MARCHF10: variants seen among roughly 807,000 people sequenced by gnomAD.
The protein encoded by MARCHF10 is probable E3 ubiquitin-protein ligase MARCHF10.
MARCHF10 carries 64 observed loss-of-function variants against 76.2 expected under a neutral mutation model. The observed-to-expected ratio is 0.84, with a 90% CI of 0.69 to 1.03. The LOEUF (loss-of-function observed/expected upper bound fraction) is 1.03, where lower values mean the gene tolerates loss of function less well. Among genes scored for constraint, MARCHF10 ranks in the 50% least tolerant of loss-of-function variants. The pLI, the probability that MARCHF10 is intolerant of heterozygous loss-of-function variation, is 0.00. For synonymous variants in MARCHF10, 340 were observed against 357.5 expected, an observed-to-expected ratio of 0.95 and a Z score of 0.55; for missense variants, 875 against 958.0, an observed-to-expected ratio of 0.91 and a Z score of 1.14.
chr17:62,800,585 T>G (rs1489585070), intron 2 of MARCHF10, among the ~76,000 whole-genome samples: 1 of 152,152 alleles, frequency 6.6e-6, no homozygotes, highest in Non-Finnish European at 1.5e-5. Flanking sequence ...ACCTGGGAGC[T>G]TTAGTTATAT....
chr17:62,772,679 G>C (rs796177594), intron 3 of MARCHF10, among the ~76,000 whole-genome samples: 4 of 152,130 alleles, frequency 2.6e-5, no homozygotes, highest in African/African-American at 9.7e-5. Flanking sequence ...GAGTTTCTTG[G>C]GGGCAGGGCA....
At chr17:62,749,214 A>T (rs200365121) in intron 4 of MARCHF10, among the ~76,000 whole-genome samples, 2,715 of 152,318 alleles carry the variant, frequency 0.018, 34 homozygotes, top group East Asian at 0.057. Context: ...AAAGGGAAAA[A>T]AAAGGTAGAA....
rs1199196581 is a variant in MARCHF10 at position 62,738,236 on chromosome 17, C to A, written c.536-904G>T. On this transcript the variant is annotated intron_variant, in intron 5 of 10. Transcript: ENST00000311269. The surrounding 1 kb of genome is among the most constrained non-coding windows in gnomAD (Gnocchi z 4.0). ...TAAGTGATGGAATGAACATTTGAACCCACGCCTGCTCGATACTAGGGTTTG... is the reference window on the plus strand; with the variant it reads ...TAAGTGATGGAATGAACATTTGAACACACGCCTGCTCGATACTAGGGTTTG... Among the ~76,000 whole-genome samples the A allele has an allele frequency of 6.6e-6, 1 of 152,144 alleles. No individual in the cohort carries two copies. Among genetic ancestry groups the A allele is most frequent in the Non-Finnish European group, 1.5e-5 (1 of 68,028 alleles).
At position 62,736,738 on chromosome 17, in the gene MARCHF10, G is replaced by T; in HGVS notation, c.1130C>A (p.Pro377His). 6.2e-7 allele frequency: 1 copy of T among 1,613,830 alleles called. No individual in the cohort carries two copies. Among genetic ancestry groups the T allele is most frequent in the Middle Eastern group, 1.6e-4 (1 of 6,062 alleles). ...AGCAGATTCCCTATCAGGCAGCCCG[G>T]GGTCTTGGGACAACCTTTGCCCAGC... Reference protein sequence around the residue: ...PSAGQRLSQDPGLPDRESATE... With the variant: ...PSAGQRLSQDHGLPDRESATE... The change falls in exon 6 of 11, where the codon CCC (proline) becomes CAC (histidine). Residue 377 changes from proline to histidine, a missense_variant. Coordinates refer to ENST00000311269, the MANE Select transcript of MARCHF10 (RefSeq NM_152598.4).
chr17:62,718,366 G>C (rs2090324010), intron 8 of MARCHF10, among the ~76,000 whole-genome samples: 1 of 152,162 alleles, frequency 6.6e-6, no homozygotes, highest in South Asian at 2.1e-4. Flanking sequence ...TGCTGCTGTT[G>C]GGTCAGTTCT....
At chr17:62,779,056 C>T (rs2092606725) in intron 3 of MARCHF10, among the ~76,000 whole-genome samples, 1 of 152,200 alleles carries the variant, frequency 6.6e-6, no homozygotes, top group Non-Finnish European at 1.5e-5. Flanking sequence ...CATTCTCTCT[C>T]CATGACGTGC....
At chr17:62,764,793 C>T (rs1271216137) in intron 3 of MARCHF10, among the ~76,000 whole-genome samples, 9 of 152,232 alleles carry the variant, frequency 5.9e-5, no homozygotes, top group Non-Finnish European at 1.3e-4. Flanking sequence ...GCAAAACTTT[C>T]TCTTGTCTAG....
chr17:62,749,325 T>C (rs1210409523), intron 4 of MARCHF10, among the ~76,000 whole-genome samples: 2 of 152,228 alleles, frequency 1.3e-5, no homozygotes, highest in African/African-American at 2.4e-5. Context: ...TAGTTCTTTA[T>C]AGACAAAGTC....
chr17:62,704,682 T>C (rs993309735), intron 10 of MARCHF10, among the ~76,000 whole-genome samples: 7 of 152,218 alleles, frequency 4.6e-5, no homozygotes, highest in African/African-American at 1.7e-4. Context: ...CCCCATCGCC[T>C]GAAGCGGAAT....
intron 4 of MARCHF10, among the ~76,000 whole-genome samples, chr17:62,755,897 T>C (rs1262997276): frequency 6.6e-6 from 1 of 152,160 alleles, no homozygotes; most frequent in Non-Finnish European, 1.5e-5. Flanking sequence ...GAGGATCACT[T>C]GAGCCCAGGA....
chr17:62,741,577 C>T (rs533239786), intron 5 of MARCHF10, among the ~76,000 whole-genome samples: 43 of 152,194 alleles, frequency 2.8e-4, no homozygotes, highest in Non-Finnish European at 4.7e-4. Flanking sequence ...AATGGGTAGG[C>T]CAAATTTACG....
intron 10 of MARCHF10, among the ~76,000 whole-genome samples, chr17:62,702,060 G>A (rs1401187471): frequency 1.3e-5 from 2 of 152,192 alleles, no homozygotes; most frequent in Admixed American, 6.5e-5. Flanking sequence ...AGCTGCAGGG[G>A]CCATTGCTTC....
In MARCHF10 at chr17:62,788,521, A is replaced by G; in HGVS notation, c.169T>C (p.Phe57Leu). Residue 57 changes from phenylalanine (F) to leucine (L), a missense_variant, in exon 3 of 11, where the codon TTT becomes CTT. Coordinates refer to ENST00000311269, the MANE Select transcript of MARCHF10 (RefSeq NM_152598.4). ...RDQFWGQETS[F>L]ERSRFSSRSS... ...CTGCTAGAAAACCGGGATCTCTCAA[A>G]ACTTGTCTCTTGCCCCCAAAACTGA... 6 of 1,614,042 alleles carry G rather than the reference A, an allele frequency of 3.7e-6. No homozygotes were observed. Among genetic ancestry groups the G allele is most frequent in the Non-Finnish European group, 5.1e-6 (6 of 1,180,002 alleles).
At chr17:62,782,717 A>C (rs1231976856) in intron 3 of MARCHF10, among the ~76,000 whole-genome samples, 1 of 152,026 alleles carries the variant, frequency 6.6e-6, no homozygotes, top group South Asian at 2.1e-4. Flanking sequence ...CCAATCCATG[A>C]TTTTGGGGGT....
At chr17:62,761,803 C>T (rs867806409) in intron 3 of MARCHF10, among the ~76,000 whole-genome samples, 5 of 152,124 alleles carry the variant, frequency 3.3e-5, no homozygotes, top group African/African-American at 4.8e-5. Context: ...AGTATGACAC[C>T]TAAGAATGTC....
intron 6 of MARCHF10, chr17:62,735,692 A>C (rs1298508745): frequency 2.0e-6 from 1 of 510,336 alleles, no homozygotes; most frequent in Non-Finnish European, 3.4e-6. Context: ...GTGGTATTCA[A>C]GGAAAAAAAC....
At chr17:62,758,020 C>T (rs759736785) in intron 4 of MARCHF10, among the ~76,000 whole-genome samples, 3 of 152,136 alleles carry the variant, frequency 2.0e-5, no homozygotes, top group Admixed American at 6.5e-5. Flanking sequence ...TTTTTCTCCA[C>T]GATGACAAGG....
intron 3 of MARCHF10, among the ~76,000 whole-genome samples, chr17:62,763,717 C>T (rs1391431108): frequency 6.6e-6 from 1 of 151,994 alleles, no homozygotes; most frequent in Non-Finnish European, 1.5e-5. Flanking sequence ...TAAAAACAAA[C>T]CAAAAACCAA....
rs750024343 is a variant in MARCHF10, at chr17:62,705,584, A to G, written c.2329-3T>C. ...GGTTGTGGGTAATTTCTTGACAACT[A>G]CAAGAAAGAAGACAATGAGAAATGA... On this transcript the variant is annotated splice_region_variant and splice_polypyrimidine_tract_variant and intron_variant, in intron 9 of 10. Transcript: ENST00000311269. 9.3e-6 allele frequency: 15 copies of G among 1,613,822 alleles called. No homozygotes were observed. The highest frequency in any genetic ancestry group is 1.3e-5 in the Non-Finnish European group (15 of 1,179,894).
Sources: gnomAD v4.1 joint callset for allele counts (sites outside exome capture counted in the v4.1 genomes callset) on GRCh38, gnomAD v4.1.1 for gene constraint, Gnocchi (gnomAD v3.1) non-coding constraint, MANE v1.5 for transcripts, NCBI Gene and HGNC (gene_info 2026-07-23, HGNC 2026-07-21) for gene names.